Variants in RPS6KA6 observed in about 807,000 individuals in gnomAD.
RPS6KA6 encodes the protein ribosomal protein S6 kinase A6, also known as ribosomal protein S6 kinase alpha-6.
A neutral mutation model predicts 65.4 loss-of-function variants in RPS6KA6; 27 were observed. The ratio of observed to expected loss-of-function variants is 0.41; its 90% CI spans 0.30 to 0.57. The LOEUF is 0.57. Among genes scored for constraint, RPS6KA6 ranks in the 20% least tolerant of loss-of-function variants. The pLI, the probability that RPS6KA6 is intolerant of heterozygous loss-of-function variation, is 0.24. For missense variants in RPS6KA6, 486 were observed against 555.6 expected (o/e 0.87, Z 1.26); for synonymous variants, 190 against 184.2 (o/e 1.03, Z -0.26).
At chrX:84,137,221 C>T (rs1233008123) in intron 6 of RPS6KA6, among the ~76,000 whole-genome samples, 1 of 111,648 alleles carries the variant, frequency 9.0e-6, no homozygotes, top group East Asian at 2.8e-4. Flanking sequence ...TGTATAAGTA[C>T]TATTTAGTGA....
At chrX:84,143,552 T>C (rs915384328) in intron 6 of RPS6KA6, among the ~76,000 whole-genome samples, 1 of 111,169 alleles carries the variant, frequency 9.0e-6, no homozygotes, top group African/African-American at 3.3e-5. Context: ...CTAAATAAAT[T>C]GAGAAAGATA....
chrX:84,168,937 G>A (rs372706091), intron 1 of RPS6KA6, among the ~76,000 whole-genome samples: 18 of 111,400 alleles, frequency 1.6e-4, no homozygotes, highest in Non-Finnish European at 3.2e-4. Flanking sequence ...TTCATCCTAC[G>A]GAGAACCACA....
At chrX:84,132,451 T>TA (rs1220310769) in intron 8 of RPS6KA6, among the ~76,000 whole-genome samples, 1 of 109,768 alleles carries the variant, frequency 9.1e-6, no homozygotes, top group Non-Finnish European at 1.9e-5. Flanking sequence ...CTCTGTCTCT[T>TA]AAAAAAAATA....
intron 18 of RPS6KA6, among the ~76,000 whole-genome samples, chrX:84,099,823 T>C (rs1260703513): frequency 9.0e-6 from 1 of 111,295 alleles, no homozygotes; most frequent in Non-Finnish European, 1.9e-5. Flanking sequence ...ATCAAACTGA[T>C]GCATAATCTA....
intron 1 of RPS6KA6, among the ~76,000 whole-genome samples, chrX:84,183,811 ACCC>A (rs936997413): frequency 4.8e-5 from 5 of 104,566 alleles, no homozygotes; most frequent in East Asian, 6.4e-4. Context: ...AACCACCACC[ACCC>A]CCACCACCAC....
intron 8 of RPS6KA6, among the ~76,000 whole-genome samples, chrX:84,126,823 A>G (rs1403954501): frequency 2.7e-5 from 3 of 111,218 alleles, no homozygotes; most frequent in Non-Finnish European, 5.7e-5. Context: ...CAACATAAAA[A>G]ATCCTATGGA....
At chrX:84,139,061 A>G (rs1430704929) in intron 6 of RPS6KA6, among the ~76,000 whole-genome samples, 8 of 111,835 alleles carry the variant, frequency 7.2e-5, no homozygotes, top group African/African-American at 1.6e-4. Context: ...AGAAGTAACC[A>G]TTGAATCATT....
intron 2 of RPS6KA6, among the ~76,000 whole-genome samples, chrX:84,161,086 G>C (rs1370220203): frequency 9.0e-6 from 1 of 110,989 alleles, no homozygotes; most frequent in Non-Finnish European, 1.9e-5. Flanking sequence ...TGAGAACTTT[G>C]AAAACCACAA....
intron 1 of RPS6KA6, 73 bp from the exon 2 acceptor site, chrX:84,164,460 C>T (rs2035567121): frequency 8.5e-6 from 6 of 705,301 alleles, no homozygotes; most frequent in East Asian, 3.3e-5. Flanking sequence ...AAATATAACC[C>T]TAGGCATTTC....
At chrX:84,161,834 A>G (rs1009739406) in intron 2 of RPS6KA6, among the ~76,000 whole-genome samples, 1 of 111,921 alleles carries the variant, frequency 8.9e-6, no homozygotes, top group Non-Finnish European at 1.9e-5. Flanking sequence ...GAGACTAAAC[A>G]TGTTGCTGAC....
chrX:84,179,342 G>A (rs1263841452), intron 1 of RPS6KA6, among the ~76,000 whole-genome samples: 1 of 111,265 alleles, frequency 9.0e-6, no homozygotes, highest in Non-Finnish European at 1.9e-5. Context: ...CCCAATATAA[G>A]TGAAAAGTTA....
At chrX:84,109,046 C>T (rs1051959093) in intron 12 of RPS6KA6, among the ~76,000 whole-genome samples, 4 of 111,482 alleles carry the variant, frequency 3.6e-5, no homozygotes, top group African/African-American at 1.3e-4. Flanking sequence ...TCAATAGCTG[C>T]GCCCAACACC....
chrX:84,146,971 T>G lies in RPS6KA6; in HGVS notation c.421+7A>C. 2 of 1,021,232 alleles carry G rather than the reference T, an allele frequency of 2.0e-6. No individual in the cohort carries two copies. Among genetic ancestry groups the G allele is most frequent in the Non-Finnish European group, 2.7e-6 (2 of 740,341 alleles). The allele number at this position is 1,021,232 out of a possible 1,213,427, so 84.2% of individuals were successfully genotyped here. Reference sequence around the variant, plus strand: ...AATAAATAAAAGAATAAAAAAAGATTACATACCATAGTGCAATTTGACAAT... The same window carrying G: ...AATAAATAAAAGAATAAAAAAAGATGACATACCATAGTGCAATTTGACAAT... On this transcript the variant is annotated splice_region_variant and intron_variant, in intron 5 of 21. Coordinates refer to ENST00000262752, the MANE Select transcript of RPS6KA6 (RefSeq NM_014496.5).
chrX:84,093,136 C>T (rs950163256), intron 20 of RPS6KA6, among the ~76,000 whole-genome samples: 1 of 111,789 alleles, frequency 8.9e-6, no homozygotes, highest in Non-Finnish European at 1.9e-5. Flanking sequence ...AAACATTGTT[C>T]TCATAGAAAT....
At chrX:84,070,812 G>C (rs994584041) in intron 20 of RPS6KA6, among the ~76,000 whole-genome samples, 1 of 111,046 alleles carries the variant, frequency 9.0e-6, no homozygotes, top group African/African-American at 3.3e-5. Flanking sequence ...AAACCTAAAT[G>C]GTTATTGGAA....
intron 20 of RPS6KA6, among the ~76,000 whole-genome samples, chrX:84,080,615 G>A (rs888749095): frequency 3.4e-4 from 35 of 103,040 alleles, no homozygotes; most frequent in African/African-American, 1.1e-3. Flanking sequence ...CTCAGCTCTG[G>A]ACCAAGCGGA....
At chrX:84,141,087 A>G (rs2035094126) in intron 6 of RPS6KA6, among the ~76,000 whole-genome samples, 1 of 111,463 alleles carries the variant, frequency 9.0e-6, no homozygotes, top group African/African-American at 3.3e-5. Context: ...GCTAAATACT[A>G]TTTATATGAA....
chrX:84,074,497 C>A (rs762882885), intron 20 of RPS6KA6, among the ~76,000 whole-genome samples: 6 of 111,412 alleles, frequency 5.4e-5, no homozygotes, highest in African/African-American at 1.6e-4. Flanking sequence ...CATTTCAAAA[C>A]AGCTAAAAAA....
At chrX:84,069,364 T>G (rs1452278634) in intron 20 of RPS6KA6, among the ~76,000 whole-genome samples, 1 of 111,776 alleles carries the variant, frequency 8.9e-6, no homozygotes, top group Non-Finnish European at 1.9e-5. Context: ...TAGCTATATG[T>G]AGAAAGCTGA....
Sources: allele counts gnomAD v4.1 joint callset (sites outside exome capture counted in the v4.1 genomes callset), GRCh38; gene constraint gnomAD v4.1.1; transcripts MANE v1.5; gene names NCBI Gene and HGNC (gene_info 2026-07-23, HGNC 2026-07-21).